Variants in ZNF446 observed in about 807,000 individuals in gnomAD.
ZNF446 encodes zinc finger protein with KRAB and SCAN domains 20.
ZNF446 carries 42 observed loss-of-function variants against 34.0 expected under a neutral mutation model. That is an observed-to-expected ratio of 1.23 (90% confidence interval 0.96 to 1.60). The LOEUF is 1.60. Ranked by LOEUF, ZNF446 falls within the 40% of genes most tolerant of loss-of-function variation. ZNF446 has a pLI of 0.00. For missense variants in ZNF446, 650 were observed against 600.2 expected (o/e 1.08, Z -0.87); for synonymous variants, 315 against 251.0 (o/e 1.25, Z -2.41).
chr19:58,477,374 C>T lies in ZNF446; in HGVS notation c.156C>T (p.Cys52=), dbSNP rs758776376. 1 of 1,613,330 alleles carries T rather than the reference C, an allele frequency of 6.2e-7. No homozygotes were observed. Among genetic ancestry groups the T allele is most frequent in the South Asian group, 1.1e-5 (1 of 91,066 alleles). The change falls in exon 2 of 7, where the codon TGC becomes TGT. Residue 52 remains cysteine, a synonymous_variant. Transcript: ENST00000594369. ...EALARLRELC[C]QWLQPEAHSK... ...TGGCCCGGCTGCGTGAGCTGTGTTG[C>T]CAGTGGCTGCAGCCTGAGGCACACT...
At chr19:58,479,791 C>A (rs1398338567) in intron 5 of ZNF446, 64 bp downstream of exon 5, 1 of 1,555,448 alleles carries the variant, frequency 6.4e-7, no homozygotes, top group Admixed American at 1.9e-5. Flanking sequence ...TGCAGCAGGC[C>A]TAGCTGGGCA....
chr19:58,484,640 T>A (rs1437025611), downstream of ZNF446, among the ~76,000 whole-genome samples: 1 of 152,086 alleles, frequency 6.6e-6, no homozygotes, highest in African/African-American at 2.4e-5. Context: ...AAGACCAGCC[T>A]GGGCAACATA....
At chr19:58,486,859 G>A in the ZNF446 span, among the ~76,000 whole-genome samples, 2 of 150,906 alleles carry the variant, frequency 1.3e-5, no homozygotes, top group East Asian at 4.0e-4. Flanking sequence ...CTAGAGTGCA[G>A]TGGTGCGATC....
Position 58,480,414 on chromosome 19 carries a change from CG to C in ZNF446, c.1042del (p.Val348SerfsTer18). The C allele has an allele frequency of 1.2e-6, 2 of 1,612,350 alleles. No individual in the cohort carries two copies. The highest frequency in any genetic ancestry group is 1.7e-6 in the Non-Finnish European group (2 of 1,179,758). Reference sequence around the variant, plus strand: ...GCGGCTTCGACTGGAAGTCAGTGTTCGTCATCCACCACCGGACACACACGAG... The same window carrying C: ...GCGGCTTCGACTGGAAGTCAGTGTTCTCATCCACCACCGGACACACACGAG... ...GRGFDWKSVF[V>X]IHHRTHTSGP... On this transcript the variant is annotated frameshift_variant, in exon 7 of 7. Transcript: ENST00000594369. LOFTEE classifies it low-confidence loss of function (END_TRUNC). This position sits in a 1 kb window ranked among gnomAD's most constrained non-coding sequence, Gnocchi z 7.2.
chr19:58,479,431 G>C (rs1279702302), intron 4 of ZNF446: 2 of 582,300 alleles, frequency 3.4e-6, no homozygotes, highest in Non-Finnish European at 3.1e-6. Context: ...TGGTGTAGTA[G>C]AGGGGGATGA....
rs970385247 is a variant in ZNF446, at chr19:58,480,514, T to C, written c.1141T>C (p.Phe381Leu). Residue 381 changes from phenylalanine to leucine, a missense_variant, in exon 7 of 7, where the codon TTT becomes CTT. Transcript: ENST00000594369. The surrounding 1 kb of genome is among the most constrained non-coding windows in gnomAD (Gnocchi z 7.2). ...TEKPPQGEVA[F>L]PHHPRRSLTG... ...GAAGCCACCACAAGGGGAGGTGGCC[T>C]TTCCGCACCACCCCCGACGCTCACT... 4.3e-5 allele frequency: 70 copies of C among 1,612,330 alleles called. No homozygotes were observed. The highest frequency in any genetic ancestry group is 5.5e-5 in the Non-Finnish European group (65 of 1,179,636).
chr19:58,479,246 T>A (rs1242287625), intron 4 of ZNF446, among the ~76,000 whole-genome samples: 1 of 152,156 alleles, frequency 6.6e-6, no homozygotes, highest in Non-Finnish European at 1.5e-5. Flanking sequence ...GCTGCCGCCT[T>A]CCTGCCCCTG....
chr19:58,481,039 A>C lies in ZNF446; in HGVS notation c.*313A>C. ...CTGTGACATGGCCTGGGCTGACAAC[A>C]CTCCCTCTCCTGGGACCTCCTTGCC... On this transcript the variant is annotated 3_prime_UTR_variant, in exon 7 of 7. Coordinates refer to ENST00000594369, the MANE Select transcript of ZNF446 (RefSeq NM_017908.4). 2 of 361,602 alleles carry C rather than the reference A, an allele frequency of 5.5e-6. No individual in the cohort carries two copies. The highest frequency in any genetic ancestry group is 1.0e-5 in the Non-Finnish European group (2 of 195,394). The allele number at this position is 361,602 out of a possible 1,614,324, so 22.4% of individuals were successfully genotyped here. A position where few individuals can be genotyped will look rare whatever the true frequency, so the allele number is the denominator to read the frequency against.
Position 58,480,575 on chromosome 19 carries a change from G to T in ZNF446, c.1202G>T (p.Gly401Val). 6.2e-7 allele frequency: 1 copy of T among 1,612,918 alleles called. No individual in the cohort carries two copies. The highest frequency in any genetic ancestry group is 8.5e-7 in the Non-Finnish European group (1 of 1,179,972). Residue 401 changes from glycine (G) to valine (V), a missense_variant, in exon 7 of 7, where the codon GGG becomes GTG. Coordinates refer to ENST00000594369, the MANE Select transcript of ZNF446 (RefSeq NM_017908.4). The surrounding 1 kb of genome is among the most constrained non-coding windows in gnomAD (Gnocchi z 7.2). ...GPRSYPCEEC[G>V]CSFSWKSQLV... ...CGGAGTTACCCGTGTGAGGAGTGCG[G>T]GTGCAGCTTCAGCTGGAAGTCGCAG...
the ZNF446 span, among the ~76,000 whole-genome samples, chr19:58,487,643 T>C: frequency 6.6e-6 from 1 of 151,370 alleles, no homozygotes; most frequent in Non-Finnish European, 1.5e-5. Flanking sequence ...ACCCCGTCTC[T>C]ACTAAAAATA....
At chr19:58,484,252 C>A (rs1460848703), downstream of ZNF446, among the ~76,000 whole-genome samples, 24 of 103,778 alleles carry the variant, frequency 2.3e-4, no homozygotes, top group African/African-American at 7.9e-4. Flanking sequence ...GCCTGGGCAA[C>A]AGAGTGAGAC....
chr19:58,482,029 C>CAG (rs2053144142), downstream of ZNF446, among the ~76,000 whole-genome samples: 1 of 152,124 alleles, frequency 6.6e-6, no homozygotes, highest in African/African-American at 2.4e-5. Context: ...CTCCTGACCT[C>CAG]GTGATCCACC....
Position 58,477,365 on chromosome 19 carries a change from G to A in ZNF446, c.147G>A (p.Glu49=). ...GAGAAGCCCTGGCCCGGCTGCGTGA[G>A]CTGTGTTGCCAGTGGCTGCAGCCTG... The part of the protein sequence containing the change: ...GPREALARLR[E]LCCQWLQPEA... Residue 49 remains glutamate (E), a synonymous_variant, in exon 2 of 7, where the codon GAG becomes GAA. Transcript: ENST00000594369. 8 of 1,613,514 alleles carry A rather than the reference G, an allele frequency of 5.0e-6. No individual in the cohort carries two copies. The highest frequency in any genetic ancestry group is 4.5e-5 in the East Asian group (2 of 44,878).
At chr19:58,489,166 C>T in the ZNF446 span, among the ~76,000 whole-genome samples, 3 of 152,184 alleles carry the variant, frequency 2.0e-5, no homozygotes, top group Non-Finnish European at 4.4e-5. Context: ...ACCAGATGGC[C>T]TTTGTAGGAC....
chr19:58,480,474 C>T lies in ZNF446; in HGVS notation c.1101C>T (p.Thr367=), dbSNP rs761214884. Residue 367 remains threonine, a synonymous_variant, in exon 7 of 7, where the codon ACC becomes ACT. Coordinates refer to ENST00000594369, the MANE Select transcript of ZNF446 (RefSeq NM_017908.4). The surrounding 1 kb of genome is among the most constrained non-coding windows in gnomAD (Gnocchi z 7.2). ...GPGVQSPGLA[T]GESTEKPPQG... ...GTGTGCAGTCCCCGGGGCTAGCCAC[C>T]GGGGAAAGCACAGAGAAGCCACCAC... 2.2e-5 allele frequency: 35 copies of T among 1,612,790 alleles called. No homozygotes were observed. The highest frequency in any genetic ancestry group is 1.3e-4 in the Admixed American group (8 of 60,002).
rs1266909771 is a variant in ZNF446, at chr19:58,480,226, G to A, written c.853G>A (p.Gly285Ser). The A allele has an allele frequency of 1.9e-6, 3 of 1,595,086 alleles. No individual in the cohort carries two copies. Among genetic ancestry groups the A allele is most frequent in the Non-Finnish European group, 1.7e-6 (2 of 1,176,986 alleles). Residue 285 changes from glycine to serine, a missense_variant, in exon 7 of 7, where the codon GGC becomes AGC. Transcript: ENST00000594369. This position sits in a 1 kb window ranked among gnomAD's most constrained non-coding sequence, Gnocchi z 7.2. The part of the protein sequence containing the change: ...PGCPEAQPPQ[G>S]PGPAAWEGLS... ...CTGCCCAGAGGCCCAGCCGCCCCAG[G>A]GCCCAGGGCCGGCAGCCTGGGAGGG...
At chr19:58,487,593 G>C in the ZNF446 span, among the ~76,000 whole-genome samples, 3 of 152,008 alleles carry the variant, frequency 2.0e-5, no homozygotes, top group African/African-American at 7.3e-5. Flanking sequence ...GGGATCACTT[G>C]AGGTCAGGAG....
chr19:58,484,903 C>G (rs1316500940), downstream of ZNF446, among the ~76,000 whole-genome samples: 2 of 151,644 alleles, frequency 1.3e-5, no homozygotes, highest in Non-Finnish European at 2.9e-5. Context: ...AGTAAAAATA[C>G]AAAAATTAGC....
In ZNF446 at chr19:58,480,162, GCCCCTGC is replaced by G. The variant is rs1479430952; in HGVS notation, c.803-9_803-3del. ...CTGAGTGCCGGGACTCACCTGGTTT[GCCCCTGC>G]CCCCAGGAAATGAGAGTGAGGGTCC... On this transcript the variant is annotated splice_polypyrimidine_tract_variant and splice_region_variant and intron_variant, in intron 6 of 6. Coordinates refer to ENST00000594369, the MANE Select transcript of ZNF446 (RefSeq NM_017908.4). This position sits in a 1 kb window ranked among gnomAD's most constrained non-coding sequence, Gnocchi z 7.2. The G allele has an allele frequency of 6.3e-7, 1 of 1,588,660 alleles. No homozygotes were observed. Among genetic ancestry groups the G allele is most frequent in the Non-Finnish European group, 8.5e-7 (1 of 1,174,434 alleles).
Sources: allele counts gnomAD v4.1 joint callset (sites outside exome capture counted in the v4.1 genomes callset), GRCh38; gene constraint gnomAD v4.1.1; non-coding constraint Gnocchi (gnomAD v3.1); transcripts MANE v1.5; gene names NCBI Gene and HGNC (gene_info 2026-07-23, HGNC 2026-07-21).